Variants in LIN7A observed in about 807,000 individuals in gnomAD.
LIN7A encodes lin-7 cell polarity scaffold A, also known as protein lin-7 homolog A.
In LIN7A, 25 loss-of-function variants were observed where a neutral mutation model predicts 29.8. The ratio of observed to expected loss-of-function variants is 0.84; its 90% CI spans 0.61 to 1.17. The LOEUF (loss-of-function observed/expected upper bound fraction) is 1.17, where lower values mean the gene tolerates loss of function less well. LIN7A is among the 50% of genes most tolerant of loss of function. The pLI, the probability that LIN7A is intolerant of heterozygous loss-of-function variation, is 0.00. For missense variants in LIN7A, 239 were observed against 287.0 expected (o/e 0.83, Z 1.21); for synonymous variants, 118 against 107.5 (o/e 1.10, Z -0.60).
In LIN7A at chr12:80,797,430, A is replaced by G. The variant is rs1592839299; in HGVS notation, c.*297T>C. The G allele has an allele frequency of 6.6e-6, 1 of 152,646 alleles. No homozygotes were observed. The highest frequency in any genetic ancestry group is 2.4e-5 in the African/African-American group (1 of 41,454). 9.5% of individuals were successfully genotyped at this position (152,646 alleles called of 1,614,324 possible). ...GATTTATTTAAAAGTCATAGACTTT[A>G]TTCTTCTTACACTGTTTCAGTTTGC... On this transcript the variant is annotated 3_prime_UTR_variant, in exon 6 of 6. Coordinates refer to ENST00000552864, the MANE Select transcript of LIN7A (RefSeq NM_004664.4).
intron 2 of LIN7A, among the ~76,000 whole-genome samples, chr12:80,872,314 G>A (rs3825099): frequency 0.37 from 56,836 of 151,940 alleles, 13,549 homozygotes; most frequent in African/African-American, 0.67. Flanking sequence ...CAGCTATAAT[G>A]ATGAGCCAAA....
intron 1 of LIN7A, among the ~76,000 whole-genome samples, chr12:80,892,704 A>C (rs1471524183): frequency 2.0e-5 from 3 of 152,146 alleles, no homozygotes; most frequent in Non-Finnish European, 4.4e-5. Flanking sequence ...GCTTTAAAAA[A>C]ACACAAATGC....
chr12:80,832,026 T>A (rs956503562), intron 4 of LIN7A, among the ~76,000 whole-genome samples: 3 of 152,170 alleles, frequency 2.0e-5, no homozygotes, highest in Non-Finnish European at 4.4e-5. Context: ...CCTGCAGGTT[T>A]TGGTTACAGA....
intron 1 of LIN7A, among the ~76,000 whole-genome samples, chr12:80,925,070 A>G (rs1442641155): frequency 6.6e-6 from 1 of 152,192 alleles, no homozygotes; most frequent in Non-Finnish European, 1.5e-5. Flanking sequence ...AAACTATGCA[A>G]TATTTGAAGA....
chr12:80,935,170 G>C (rs61934587), intron 1 of LIN7A, among the ~76,000 whole-genome samples: 1 of 152,126 alleles, frequency 6.6e-6, no homozygotes, highest in African/African-American at 2.4e-5. Flanking sequence ...CAGACACTGA[G>C]AATTCAAAGA....
At chr12:80,888,075 G>A (rs1028112619) in intron 2 of LIN7A, among the ~76,000 whole-genome samples, 91 of 152,186 alleles carry the variant, frequency 6.0e-4, no homozygotes, top group African/African-American at 2.1e-3. Context: ...CAAAGAATCC[G>A]TATGCTGAGA....
chr12:80,913,664 C>T (rs746617373), intron 1 of LIN7A, among the ~76,000 whole-genome samples: 6 of 152,172 alleles, frequency 3.9e-5, no homozygotes, highest in Non-Finnish European at 8.8e-5. Context: ...ACTGCCATAG[C>T]GAATACATAT....
In LIN7A at chr12:80,848,294, G is replaced by T. The variant is rs1873171825; in HGVS notation, c.230C>A (p.Thr77Asn). 2.5e-6 allele frequency: 4 copies of T among 1,612,956 alleles called. No homozygotes were observed. Among genetic ancestry groups the T allele is most frequent in the Non-Finnish European group, 3.4e-6 (4 of 1,179,212 alleles). Residue 77 changes from threonine (T) to asparagine (N), a missense_variant, in exon 3 of 6, where the codon ACT (threonine) becomes AAT (asparagine). Physicochemically the swap from Thr to Asn is moderately conservative, Grantham distance 65. Transcript: ENST00000552864. ...ACGGAATTCGGGACAGCCATTAACA[G>T]TTATCGTTTCATGCATATATTGATA... ...EVYQYMHETI[T>N]VNGCPEFRAR...
rs556110118 is a variant in LIN7A, at chr12:80,796,165, T to C, written c.*1562A>G. 7.2e-5 allele frequency: 11 copies of C among 152,294 alleles called. No homozygotes were observed. The highest frequency in any genetic ancestry group is 2.6e-4 in the African/African-American group (11 of 41,574). The allele number at this position is 152,294 out of a possible 1,614,324, so 9.4% of individuals were successfully genotyped here. ...TAAACTGAGCTTCATACATTTCTAT[T>C]TTGGGGGATTATCTGAAGTGTCAAA... On this transcript the variant is annotated 3_prime_UTR_variant, in exon 6 of 6. Coordinates refer to ENST00000552864, the MANE Select transcript of LIN7A (RefSeq NM_004664.4).
At chr12:80,807,083 T>TTTTTTTTTTTTTTTTTTTTTTTTTG (rs1555221413) in intron 5 of LIN7A, among the ~76,000 whole-genome samples, 1 of 137,206 alleles carries the variant, frequency 7.3e-6, no homozygotes, top group Non-Finnish European at 1.6e-5. Flanking sequence ...TTTTTTTTTT[T>TTTTTTTTTTTTTTTTTTTTTTTTTG]TTTTTTTTGA....
intron 1 of LIN7A, among the ~76,000 whole-genome samples, chr12:80,898,592 T>C (rs1876033879): frequency 6.7e-6 from 1 of 148,498 alleles, no homozygotes; most frequent in South Asian, 2.2e-4. Flanking sequence ...ATTTTAATAA[T>C]ATTGATTCTT....
intron 4 of LIN7A, among the ~76,000 whole-genome samples, chr12:80,844,970 G>T (rs1872992050): frequency 6.6e-6 from 1 of 152,110 alleles, no homozygotes; most frequent in African/African-American, 2.4e-5. Flanking sequence ...CGGGCGCGAT[G>T]GTTCACGCCT....
intron 4 of LIN7A, among the ~76,000 whole-genome samples, chr12:80,830,444 G>C (rs765967216): frequency 4.6e-5 from 7 of 152,090 alleles, no homozygotes; most frequent in Non-Finnish European, 7.4e-5. Context: ...AGTGCATTTA[G>C]AGTGCTCTGC....
rs1244069341 is a variant in LIN7A, at chr12:80,793,860, T to G, written c.*3867A>C. The stretch of plus-strand genomic sequence containing the variant: ...AAATGAAAATATCTTTTATAAAATT[T>G]AAAAATGGGGTTTTATGTTTGAATC... On this transcript the variant is annotated 3_prime_UTR_variant, in exon 6 of 6. Coordinates refer to ENST00000552864, the MANE Select transcript of LIN7A (RefSeq NM_004664.4). The G allele has an allele frequency of 6.6e-6, 1 of 152,156 alleles. No individual in the cohort carries two copies. The highest frequency in any genetic ancestry group is 2.4e-5 in the African/African-American group (1 of 41,440). 9.4% of individuals were successfully genotyped at this position (152,156 alleles called of 1,614,324 possible).
chr12:80,920,275 T>C (rs1301622496), intron 1 of LIN7A, among the ~76,000 whole-genome samples: 2 of 152,190 alleles, frequency 1.3e-5, no homozygotes, highest in Non-Finnish European at 2.9e-5. Flanking sequence ...AAAATATTCT[T>C]CTTTCATGTT....
chr12:80,930,437 G>A (rs1185921844), intron 1 of LIN7A, among the ~76,000 whole-genome samples: 2 of 152,052 alleles, frequency 1.3e-5, no homozygotes, highest in Non-Finnish European at 2.9e-5. Context: ...TTCACATTTG[G>A]TAGTGCAGAG....
chr12:80,870,709 G>A (rs1874385260), intron 2 of LIN7A, among the ~76,000 whole-genome samples: 2 of 152,196 alleles, frequency 1.3e-5, no homozygotes, highest in South Asian at 4.1e-4. Context: ...ATTATGAACA[G>A]GAGAAAACTG....
At chr12:80,935,169 A>G (rs1233928567) in intron 1 of LIN7A, among the ~76,000 whole-genome samples, 1 of 152,206 alleles carries the variant, frequency 6.6e-6, no homozygotes, top group East Asian at 1.9e-4. Flanking sequence ...GCAGACACTG[A>G]GAATTCAAAG....
chr12:80,936,860 A>C (rs1360227225), intron 1 of LIN7A: 1 of 152,174 alleles, frequency 6.6e-6, no homozygotes, highest in Admixed American at 6.5e-5. Context: ...CGCCTTCCGC[A>C]GCCTGGGCGC....
Sources: gnomAD v4.1 joint callset for allele counts (sites outside exome capture counted in the v4.1 genomes callset) on GRCh38, gnomAD v4.1.1 for gene constraint, MANE v1.5 for transcripts, NCBI Gene and HGNC (gene_info 2026-07-23, HGNC 2026-07-21) for gene names.